The following COL5A2 variants were observed in gnomAD, a reference collection of about 807,000 sequenced individuals.
COL5A2 encodes collagen type V alpha 2 chain, also known as collagen alpha-2(V) chain.
Under a neutral mutation model 208.2 loss-of-function variants are expected in COL5A2, and 23 were observed. The ratio of observed to expected loss-of-function variants is 0.11; its 90% CI spans 0.08 to 0.16. The LOEUF (loss-of-function observed/expected upper bound fraction) is 0.16, where lower values mean the gene tolerates loss of function less well. COL5A2 is among the 10% of genes least tolerant of loss of function. COL5A2 has a pLI of 1.00. For synonymous variants in COL5A2, 625 were observed against 628.5 expected, an observed-to-expected ratio of 0.99 and a Z score of 0.08; for missense variants, 1,590 against 1,956.4, an observed-to-expected ratio of 0.81 and a Z score of 3.53.
chr2:189,400,173 C>T, the COL5A2 span, among the ~76,000 whole-genome samples: 47 of 152,226 alleles, frequency 3.1e-4, no homozygotes, highest in South Asian at 3.9e-3. Flanking sequence ...TTTCTTGATA[C>T]TTATCCTGCT....
the COL5A2 span, among the ~76,000 whole-genome samples, chr2:189,380,271 A>C: frequency 6.6e-6 from 1 of 152,050 alleles, no homozygotes; most frequent in East Asian, 1.9e-4. Context: ...TTTGGGATGT[A>C]CTTAAGTTCA....
At chr2:189,057,178 A>G in intron 34 of COL5A2, 142 bp downstream of exon 34, 2 of 1,050,274 alleles carry the variant, frequency 1.9e-6, no homozygotes, top group Non-Finnish European at 2.9e-6. Flanking sequence ...TTTTCTCAGT[A>G]AATGTTTATT....
chr2:189,312,705 C>A, the COL5A2 span, among the ~76,000 whole-genome samples: 1 of 152,164 alleles, frequency 6.6e-6, no homozygotes, highest in Non-Finnish European at 1.5e-5. Context: ...GTTTGTACCT[C>A]CCTGAGATGG....
intron 2 of COL5A2, among the ~76,000 whole-genome samples, chr2:189,109,745 A>G (rs534035773): frequency 1.1e-4 from 16 of 152,178 alleles, no homozygotes; most frequent in Non-Finnish European, 2.4e-4. Flanking sequence ...AGCCAACATG[A>G]AAAGCATTCT....
At chr2:189,380,039 T>C in the COL5A2 span, among the ~76,000 whole-genome samples, 2 of 150,956 alleles carry the variant, frequency 1.3e-5, no homozygotes, top group Non-Finnish European at 3.0e-5. Context: ...AAATATTTTA[T>C]ATATATATAT....
upstream of COL5A2, among the ~76,000 whole-genome samples, chr2:189,229,416 G>T (rs998647881): frequency 6.9e-5 from 10 of 144,398 alleles, no homozygotes; most frequent in Admixed American, 5.8e-4. Flanking sequence ...CCTGAAGATT[G>T]CACACACACA....
chr2:189,034,949 T>A lies in COL5A2; in HGVS notation c.4320A>T (p.Arg1440Ser), dbSNP rs1436390158. 3.1e-6 allele frequency: 5 copies of A among 1,613,816 alleles called. No homozygotes were observed. The highest frequency in any genetic ancestry group is 1.7e-5 in the Admixed American group (1 of 59,996). Residue 1440 changes from arginine (R) to serine (S), a missense_variant, in exon 53 of 54, where the codon AGA becomes AGT. By Grantham distance (110) the Arg-to-Ser change is moderately radical. Coordinates refer to ENST00000374866, the MANE Select transcript of COL5A2 (RefSeq NM_000393.5). ...DLDIKAEGNI[R>S]FRYIVLQDTC... Reference sequence around the variant, plus strand: ...TGTCTTGAAGAACGATATACCGGAATCTAATATTTCCCTCTGCTTTGATAT... The same window carrying A: ...TGTCTTGAAGAACGATATACCGGAAACTAATATTTCCCTCTGCTTTGATAT...
chr2:189,400,373 A>G, the COL5A2 span, among the ~76,000 whole-genome samples: 1 of 152,134 alleles, frequency 6.6e-6, no homozygotes, highest in South Asian at 2.1e-4. Flanking sequence ...CTTTTATTCT[A>G]TATAAACACT....
At chr2:189,064,488 A>C in intron 25 of COL5A2, 69 bp downstream of exon 25, 1 of 1,114,874 alleles carries the variant, frequency 9.0e-7, no homozygotes, top group Non-Finnish European at 1.4e-6. Flanking sequence ...AAACAAACAA[A>C]AACCCGACCA....
the COL5A2 span, among the ~76,000 whole-genome samples, chr2:189,438,366 T>C: frequency 9.8e-5 from 15 of 152,326 alleles, no homozygotes; most frequent in African/African-American, 3.6e-4. Context: ...TGCTGGTATT[T>C]ATCCTAGAAA....
the COL5A2 span, among the ~76,000 whole-genome samples, chr2:189,315,854 A>T: frequency 6.6e-6 from 1 of 152,108 alleles, no homozygotes; most frequent in Admixed American, 6.5e-5. Flanking sequence ...AATAATTGGA[A>T]AAAAGCTCAA....
chr2:189,164,513 A>T (rs1486601622), intron 1 of COL5A2, among the ~76,000 whole-genome samples: 1 of 152,094 alleles, frequency 6.6e-6, no homozygotes, highest in Non-Finnish European at 1.5e-5. Flanking sequence ...TATGATTTTG[A>T]AAAAATACAA....
At chr2:189,412,498 G>C in the COL5A2 span, among the ~76,000 whole-genome samples, 2 of 152,092 alleles carry the variant, frequency 1.3e-5, no homozygotes, top group African/African-American at 4.8e-5. Context: ...CTCTGGTTAG[G>C]CAAGCATAAT....
At chr2:189,042,049 G>A (rs972214636) in intron 49 of COL5A2, among the ~76,000 whole-genome samples, 2 of 152,138 alleles carry the variant, frequency 1.3e-5, no homozygotes, top group South Asian at 2.1e-4. Flanking sequence ...TGAAATTTCT[G>A]TGCTTATGCC....
At chr2:189,375,858 C>T in the COL5A2 span, among the ~76,000 whole-genome samples, 2 of 152,202 alleles carry the variant, frequency 1.3e-5, no homozygotes, top group Non-Finnish European at 2.9e-5. Context: ...CCAAGATTAG[C>T]AGAGATCAGA....
the COL5A2 span, among the ~76,000 whole-genome samples, chr2:189,344,506 C>T: frequency 6.6e-6 from 1 of 152,132 alleles, no homozygotes; most frequent in African/African-American, 2.4e-5. Context: ...GGGAAGTATA[C>T]TGACACACAC....
intron 1 of COL5A2, among the ~76,000 whole-genome samples, chr2:189,178,799 T>A (rs1688729572): frequency 6.6e-6 from 1 of 151,516 alleles, no homozygotes; most frequent in African/African-American, 2.4e-5. Flanking sequence ...GACATGCTGA[T>A]TTCCTGCCTT....
At chr2:189,194,736 G>A (rs780897439) in intron 1 of COL5A2, among the ~76,000 whole-genome samples, 14 of 152,148 alleles carry the variant, frequency 9.2e-5, no homozygotes, top group Non-Finnish European at 1.6e-4. Context: ...CTGTGGGTCT[G>A]TCATAAATAG....
chr2:189,175,113 A>G (rs1688650835), intron 1 of COL5A2, among the ~76,000 whole-genome samples: 1 of 152,186 alleles, frequency 6.6e-6, no homozygotes. Context: ...AAAACTCCTA[A>G]TAGTGGTGCT....
Sources: allele counts gnomAD v4.1 joint callset (sites outside exome capture counted in the v4.1 genomes callset), GRCh38; gene constraint gnomAD v4.1.1; transcripts MANE v1.5; gene names NCBI Gene and HGNC (gene_info 2026-07-23, HGNC 2026-07-21).